ARIH2: variants seen among roughly 807,000 people sequenced by gnomAD.
The protein encoded by ARIH2 is E3 ubiquitin-protein ligase ARIH2.
Under a neutral mutation model 79.8 loss-of-function variants are expected in ARIH2, and 12 were observed. That is an observed-to-expected ratio of 0.15 (90% CI 0.10 to 0.24). ARIH2 has a LOEUF of 0.24. Ranked by LOEUF, ARIH2 falls within the 10% of genes least tolerant of loss-of-function variation. ARIH2 has a pLI of 1.00. For missense variants in ARIH2, 301 were observed against 618.3 expected, an observed-to-expected ratio of 0.49 and a Z score of 5.44; for synonymous variants, 224 against 213.9, an observed-to-expected ratio of 1.05 and a Z score of -0.41.
At chr3:48,948,029 C>T (rs549014647) in intron 3 of ARIH2, among the ~76,000 whole-genome samples, 2 of 152,020 alleles carry the variant, frequency 1.3e-5, no homozygotes, top group South Asian at 4.2e-4. Flanking sequence ...GGTGTGATCT[C>T]GGCTAACTGC....
intron 9 of ARIH2, 48 bp downstream of exon 9, chr3:48,973,864 C>A: frequency 7.2e-7 from 1 of 1,395,062 alleles, no homozygotes; most frequent in Non-Finnish European, 1.0e-6. Flanking sequence ...CTTAGTGCTG[C>A]CCAGGGCCTT....
At position 48,944,545 on chromosome 3, in the gene ARIH2, C is replaced by G. The variant is rs574587264; in HGVS notation, c.255+16732C>G. On this transcript the variant is annotated intron_variant, in intron 3 of 15. Transcript: ENST00000356401. Reference sequence around the variant, plus strand: ...ACAAGTCAACCCTCCTTCCATGTCCCTGTAAAGAAAAGTGGAATGGGCAAA... The same window carrying G: ...ACAAGTCAACCCTCCTTCCATGTCCGTGTAAAGAAAAGTGGAATGGGCAAA... Among the ~76,000 whole-genome samples the G allele has an allele frequency of 3.3e-5, 5 of 152,184 alleles. No homozygotes were observed. In the South Asian group the frequency reaches 1.0e-3, roughly 32 times the overall value.
chr3:48,921,610 T>G (rs187685844), intron 1 of ARIH2: 1 of 151,702 alleles, frequency 6.6e-6, no homozygotes, highest in East Asian at 2.0e-4. Context: ...ATTTTTGTGT[T>G]TTTTGTAGCA....
At chr3:48,977,643 G>A (rs2092579797) in intron 11 of ARIH2, among the ~76,000 whole-genome samples, 1 of 152,178 alleles carries the variant, frequency 6.6e-6, no homozygotes, top group Non-Finnish European at 1.5e-5. Flanking sequence ...ATTTTTGGTA[G>A]AGACGGGGTT....
intron 3 of ARIH2, 87 bp from the exon 4 acceptor site, chr3:48,961,525 G>C (rs1576419287): frequency 1.3e-6 from 1 of 767,896 alleles, no homozygotes; most frequent in Admixed American, 2.1e-5. Flanking sequence ...TGGCATAATA[G>C]ACATGAATGT....
At chr3:48,921,457 C>T (rs1467069382) in intron 1 of ARIH2, 2 of 127,480 alleles carry the variant, frequency 1.6e-5, no homozygotes, top group Non-Finnish European at 3.2e-5. Context: ...TTTTTTGACA[C>T]GGAGTCTCAC....
chr3:48,929,419 T>C (rs1242728890), intron 3 of ARIH2, among the ~76,000 whole-genome samples: 1 of 152,134 alleles, frequency 6.6e-6, no homozygotes, highest in African/African-American at 2.4e-5. Flanking sequence ...TTCCTTCTTA[T>C]ACATGGTCAG....
intron 3 of ARIH2, among the ~76,000 whole-genome samples, chr3:48,942,734 C>T (rs2107260150): frequency 6.6e-6 from 1 of 151,624 alleles, no homozygotes; most frequent in South Asian, 2.1e-4. Flanking sequence ...TCGCTGCAAC[C>T]TCCGCCTCCC....
chr3:48,927,541 A>C lies in ARIH2; in HGVS notation c.-18A>C, dbSNP rs576696678. 4 of 1,610,412 alleles carry C rather than the reference A, an allele frequency of 2.5e-6. No individual in the cohort carries two copies. In the African/African-American group the frequency reaches 5.4e-5, roughly 22 times the overall value. On this transcript the variant is annotated 5_prime_UTR_variant, in exon 3 of 16. Transcript: ENST00000356401. ...AAAGCAACTGCTTTCCTGATCTGCA[A>C]CTTGGCTGGATGCTAAGATGTCAGT...
chr3:48,958,579 G>A (rs541308268), intron 3 of ARIH2, among the ~76,000 whole-genome samples: 19 of 151,964 alleles, frequency 1.3e-4, no homozygotes, highest in South Asian at 6.3e-4. Context: ...GCGTGGTGGC[G>A]GGCGCCTGTA....
intron 13 of ARIH2, among the ~76,000 whole-genome samples, chr3:48,980,970 G>A (rs191780761): frequency 2.5e-5 from 3 of 122,352 alleles, no homozygotes; most frequent in Admixed American, 2.1e-4. Flanking sequence ...GCAGTGAGCC[G>A]AGATCACACC....
chr3:48,952,100 A>G (rs1047639966), intron 3 of ARIH2, among the ~76,000 whole-genome samples: 5 of 152,148 alleles, frequency 3.3e-5, no homozygotes, highest in Non-Finnish European at 7.3e-5. Flanking sequence ...TTGTGTAGGC[A>G]TTATATTAGC....
At chr3:48,976,388 C>T (rs1204233934) in intron 11 of ARIH2, among the ~76,000 whole-genome samples, 3 of 151,522 alleles carry the variant, frequency 2.0e-5, no homozygotes, top group African/African-American at 7.3e-5. Flanking sequence ...TTTTTATATT[C>T]TTAGTATAGA....
intron 4 of ARIH2, among the ~76,000 whole-genome samples, chr3:48,962,512 A>G (rs1559813076): frequency 6.6e-6 from 1 of 152,192 alleles, no homozygotes; most frequent in Non-Finnish European, 1.5e-5. Context: ...AAGATGTCTT[A>G]CAAGTTGTCA....
intron 4 of ARIH2, among the ~76,000 whole-genome samples, chr3:48,962,478 T>C (rs1381133866): frequency 6.6e-6 from 1 of 152,174 alleles, no homozygotes; most frequent in Non-Finnish European, 1.5e-5. Context: ...ACTAGAGATC[T>C]TAAGATACAG....
intron 3 of ARIH2, among the ~76,000 whole-genome samples, chr3:48,929,231 A>G (rs1032077564): frequency 2.0e-5 from 3 of 152,130 alleles, no homozygotes; most frequent in African/African-American, 7.2e-5. Flanking sequence ...GTTCCTGTCT[A>G]TACACAAGAA....
chr3:48,970,809 T>C (rs1401447050), intron 8 of ARIH2, 105 bp downstream of exon 8: 1 of 819,072 alleles, frequency 1.2e-6, no homozygotes, highest in Non-Finnish European at 2.0e-6. Context: ...AGGCAGGGTC[T>C]CTGAGCCAAC....
At chr3:48,961,315 A>G (rs1346566614) in intron 3 of ARIH2, among the ~76,000 whole-genome samples, 1 of 152,178 alleles carries the variant, frequency 6.6e-6, no homozygotes, top group Non-Finnish European at 1.5e-5. Context: ...TGCTTATATT[A>G]TTAATAGATG....
chr3:48,964,963 A>G lies in ARIH2; in HGVS notation c.368A>G (p.Gln123Arg). Residue 123 changes from glutamine (Q) to arginine (R), a missense_variant, in exon 5 of 16, where the codon CAG (glutamine) becomes CGG (arginine). This residue lies in a region of ARIH2 where 223 missense variants were observed against 349.4 expected (regional missense o/e 0.64). Transcript: ENST00000356401. ...SAQLLVEARVQPNPSKHVPTS... is the reference protein window; with the variant it reads ...SAQLLVEARVRPNPSKHVPTS... ...CAACTGCTTGTTGAGGCTCGAGTTC[A>G]GCCTAATCCATCAAAACATGTGAGT... The G allele has an allele frequency of 6.2e-7, 1 of 1,613,618 alleles. No homozygotes were observed. The highest frequency in any genetic ancestry group is 8.5e-7 in the Non-Finnish European group (1 of 1,179,684).
Sources: allele counts gnomAD v4.1 joint callset (sites outside exome capture counted in the v4.1 genomes callset), GRCh38; gene constraint gnomAD v4.1.1; regional missense constraint gnomAD v4.1.1; transcripts MANE v1.5; gene names NCBI Gene and HGNC (gene_info 2026-07-23, HGNC 2026-07-21).